RASA3: variants seen among roughly 807,000 people sequenced by gnomAD.
RASA3 encodes RAS p21 protein activator 3.
A neutral mutation model predicts 110.0 loss-of-function variants in RASA3; 73 were observed. The ratio of observed to expected loss-of-function variants is 0.66; its 90% confidence interval spans 0.55 to 0.81. The LOEUF (loss-of-function observed/expected upper bound fraction) is 0.81, where lower values mean the gene tolerates loss of function less well. RASA3 is among the 30% of genes least tolerant of loss of function. The pLI is 0.00. For missense variants in RASA3, 976 were observed against 1,113.2 expected, an observed-to-expected ratio of 0.88 and a Z score of 1.75; for synonymous variants, 500 against 451.4, an observed-to-expected ratio of 1.11 and a Z score of -1.37.
rs1745750134 is a variant in RASA3 at position 114,056,613 on chromosome 13, C to G, written c.174-4458G>C. On this transcript the variant is annotated intron_variant, in intron 2 of 23. Coordinates refer to ENST00000334062, the MANE Select transcript of RASA3 (RefSeq NM_007368.4). The surrounding 1 kb of genome is among the most constrained non-coding windows in gnomAD (Gnocchi z 5.7). ...CTCGGTGGGGGGAGGCCCGTGCTGG[C>G]TGGGCACCTGGGAGGGTCCCGTGAG... The G allele has an allele frequency of 3.0e-6, 3 of 984,568 alleles. No individual in the cohort carries two copies. Among genetic ancestry groups the G allele is most frequent in the African/African-American group, 3.5e-5 (2 of 56,940 alleles). 61.0% of individuals were successfully genotyped at this position (984,568 alleles called of 1,614,324 possible).
chr13:114,068,464 A>G (rs970938262), intron 2 of RASA3, among the ~76,000 whole-genome samples: 11 of 152,276 alleles, frequency 7.2e-5, no homozygotes, highest in Non-Finnish European at 2.9e-5. Context: ...ATATTCTTGC[A>G]AATGACTGGA....
chr13:114,092,041 T>C (rs1276929485), intron 1 of RASA3, among the ~76,000 whole-genome samples: 2 of 151,942 alleles, frequency 1.3e-5, no homozygotes, highest in East Asian at 1.9e-4. Flanking sequence ...CCATCCTTGA[T>C]TTTATTTATT....
chr13:114,057,751 G>A lies in RASA3; in HGVS notation c.174-5596C>T, dbSNP rs2079268686. ...GTTAACCTCTGAGAATGAACCCACAGCTAAAACCCATAAAACCTCCGCCAA... is the reference window on the plus strand; with the variant it reads ...GTTAACCTCTGAGAATGAACCCACAACTAAAACCCATAAAACCTCCGCCAA... On this transcript the variant is annotated intron_variant, in intron 2 of 23. Transcript: ENST00000334062. This position sits in a 1 kb window ranked among gnomAD's most constrained non-coding sequence, Gnocchi z 5.0. Among the ~76,000 whole-genome samples, 1 of 152,162 alleles carries A rather than the reference G, an allele frequency of 6.6e-6. No homozygotes were observed. The highest frequency in any genetic ancestry group is 2.1e-4 in the South Asian group (1 of 4,826).
Position 114,056,286 on chromosome 13 carries a change from G to C in RASA3, c.174-4131C>G, listed in dbSNP as rs536155462. Among the ~76,000 whole-genome samples the C allele has an allele frequency of 5.1e-4, 77 of 152,238 alleles. No individual in the cohort carries two copies. The highest frequency in any genetic ancestry group is 1.8e-3 in the African/African-American group (75 of 41,536). ...TCTGATGTGTGTCTGATGCATATTT[G>C]GTGCGTGTCCGGTGCGTGGTGAGGG... On this transcript the variant is annotated intron_variant, in intron 2 of 23. Coordinates refer to ENST00000334062, the MANE Select transcript of RASA3 (RefSeq NM_007368.4). The surrounding 1 kb of genome is among the most constrained non-coding windows in gnomAD (Gnocchi z 5.7).
chr13:114,076,513 G>A (rs372584733), intron 1 of RASA3, among the ~76,000 whole-genome samples: 6 of 150,962 alleles, frequency 4.0e-5, no homozygotes, highest in Admixed American at 6.6e-5. Context: ...CACACGCAGC[G>A]CACACACGCA....
In RASA3 at chr13:114,027,251, G is replaced by A. The variant is rs566668992; in HGVS notation, c.603+138C>T. ...TCGCTCCTCTCCGGAAGGAACCCAG[G>A]GCCGGCTGGCGGGGCTCGCTCCTCT... is the stretch of plus-strand genomic sequence containing the variant. On this transcript the variant is annotated intron_variant, in intron 7 of 23. Transcript: ENST00000334062. 4.8e-5 allele frequency: 37 copies of A among 774,648 alleles called. No individual in the cohort carries two copies. The South Asian group carries it at 6.6e-4, about 14-fold the overall frequency. 48.0% of individuals were successfully genotyped at this position (774,648 alleles called of 1,614,324 possible).
At chr13:114,126,321 G>A (rs936245392) in intron 1 of RASA3, among the ~76,000 whole-genome samples, 5 of 152,152 alleles carry the variant, frequency 3.3e-5, no homozygotes, top group Non-Finnish European at 1.5e-5. Context: ...CCATCCACAC[G>A]TCCCACTGGC....
At chr13:114,081,589 C>T (rs2079789192) in intron 1 of RASA3, among the ~76,000 whole-genome samples, 1 of 152,182 alleles carries the variant, frequency 6.6e-6, no homozygotes, top group Non-Finnish European at 1.5e-5. Flanking sequence ...TCAGCTGGTT[C>T]TAACTGTGCT....
chr13:114,122,249 T>TG (rs1021081937), intron 1 of RASA3, among the ~76,000 whole-genome samples: 29 of 152,106 alleles, frequency 1.9e-4, no homozygotes, highest in Admixed American at 5.9e-4. Flanking sequence ...ACCTACAGAC[T>TG]GGGGGGGATC....
At chr13:114,017,899 G>A (rs1430605734) in intron 11 of RASA3, among the ~76,000 whole-genome samples, 9 of 151,868 alleles carry the variant, frequency 5.9e-5, no homozygotes, top group Admixed American at 3.9e-4. Flanking sequence ...CACTCTACCC[G>A]GGATTTCAAA....
rs552092266 is a variant in RASA3 at position 114,056,979 on chromosome 13, C to G, written c.174-4824G>C. ...GGGGCCCTCTGTCAGGCTGCCCCCC[C>G]TGCTAAGAGGAGCTGTTGTCCTTGG... On this transcript the variant is annotated intron_variant, in intron 2 of 23. Coordinates refer to ENST00000334062, the MANE Select transcript of RASA3 (RefSeq NM_007368.4). This position sits in a 1 kb window ranked among gnomAD's most constrained non-coding sequence, Gnocchi z 5.7. Among the ~76,000 whole-genome samples, 79 of 152,244 alleles carry G rather than the reference C, an allele frequency of 5.2e-4. No homozygotes were observed. Among genetic ancestry groups the G allele is most frequent in the African/African-American group, 1.9e-3 (77 of 41,560 alleles).
intron 3 of RASA3, among the ~76,000 whole-genome samples, chr13:114,042,830 C>T (rs369204158): frequency 3.3e-5 from 5 of 152,378 alleles, no homozygotes; most frequent in African/African-American, 9.6e-5. Flanking sequence ...CACTGCCAGC[C>T]TCTCACAGGT....
intron 20 of RASA3, among the ~76,000 whole-genome samples, chr13:113,997,068 AAG>A (rs1202307433): frequency 6.6e-6 from 1 of 152,200 alleles, no homozygotes; most frequent in Non-Finnish European, 1.5e-5. Context: ...TTCAAGACAA[AAG>A]AGGGGCCCTG....
At chr13:114,037,675 T>C (rs1217732817) in intron 4 of RASA3, among the ~76,000 whole-genome samples, 1 of 152,238 alleles carries the variant, frequency 6.6e-6, no homozygotes, top group Non-Finnish European at 1.5e-5. Context: ...GTAAATTTCA[T>C]GTCTCTGTTT....
chr13:114,121,863 G>T (rs779085823), intron 1 of RASA3, among the ~76,000 whole-genome samples: 1 of 152,218 alleles, frequency 6.6e-6, no homozygotes, highest in Non-Finnish European at 1.5e-5. Flanking sequence ...GGAGCTTCTC[G>T]GAATCTCTCT....
chr13:114,116,879 ATGAGGGGTGCACGTGTG>A (rs1275460195), intron 1 of RASA3, among the ~76,000 whole-genome samples: 4 of 60,386 alleles, frequency 6.6e-5, no homozygotes, highest in South Asian at 6.4e-4. Context: ...GTGCACATGT[ATGAGGGGTGCACGTGTG>A]TGAGGGGTGC....
chr13:114,032,651 C>T (rs1290809592), intron 4 of RASA3, among the ~76,000 whole-genome samples: 3 of 151,174 alleles, frequency 2.0e-5, no homozygotes, highest in Admixed American at 6.6e-5. Flanking sequence ...CTATGCCCCA[C>T]GGCACCCCCA....
At position 114,038,429 on chromosome 13, in the gene RASA3, C is replaced by T. The variant is rs114379975; in HGVS notation, c.372+2571G>A. On this transcript the variant is annotated intron_variant, in intron 4 of 23. Coordinates refer to ENST00000334062, the MANE Select transcript of RASA3 (RefSeq NM_007368.4). ...ACAGCGTCCTTCACTTTCCACAGCA[C>T]GTGTGGGTTCCCCAGCCAGTGCTTT... 5.3e-3 allele frequency among the ~76,000 whole-genome samples: 812 copies of T among 152,384 alleles called. 6 individuals are homozygous for T. Among genetic ancestry groups the T allele is most frequent in the African/African-American group, 0.019 (772 of 41,590 alleles).
intron 9 of RASA3, among the ~76,000 whole-genome samples, 182 bp from the exon 10 acceptor site, chr13:114,019,101 A>G (rs576713220): frequency 3.2e-4 from 48 of 151,768 alleles, no homozygotes; most frequent in African/African-American, 1.2e-3. Flanking sequence ...GTCACCGGGG[A>G]TCCCCAGGAG....
Sources: gnomAD v4.1 joint callset for allele counts (sites outside exome capture counted in the v4.1 genomes callset) on GRCh38, gnomAD v4.1.1 for gene constraint, Gnocchi (gnomAD v3.1) non-coding constraint, MANE v1.5 for transcripts, NCBI Gene and HGNC (gene_info 2026-07-23, HGNC 2026-07-21) for gene names.